Variants in ARHGAP10 observed in about 807,000 individuals in gnomAD.
The protein encoded by ARHGAP10 is Rho GTPase activating protein 10.
In ARHGAP10, 87 loss-of-function variants were observed where a neutral mutation model predicts 108.6. The observed-to-expected ratio is 0.80, with a 90% CI of 0.67 to 0.96. The LOEUF (loss-of-function observed/expected upper bound fraction) is 0.96. Among genes scored for constraint, ARHGAP10 ranks in the 40% least tolerant of loss-of-function variants. ARHGAP10 has a pLI of 0.00. For missense variants in ARHGAP10, 939 were observed against 954.5 expected, an observed-to-expected ratio of 0.98 and a Z score of 0.21; for synonymous variants, 347 against 341.1, an observed-to-expected ratio of 1.02 and a Z score of -0.19.
intron 20 of ARHGAP10, among the ~76,000 whole-genome samples, chr4:148,053,138 C>T (rs151030543): frequency 1.9e-4 from 29 of 152,132 alleles, no homozygotes; most frequent in Non-Finnish European, 2.9e-4. Flanking sequence ...GATTGGAAGG[C>T]GCAAAGGACA....
At position 147,924,059 on chromosome 4, in the gene ARHGAP10, T is replaced by TG. The variant is rs1305565586; in HGVS notation, c.1228+10921dup. Among the ~76,000 whole-genome samples the TG allele has an allele frequency of 2.6e-5, 4 of 152,320 alleles. No individual in the cohort carries two copies. In the East Asian group the frequency reaches 7.7e-4, roughly 29 times the overall value. ...AGGACAGTCTTCTGTGGGAGGGAGT[T>TG]GAAGAGTCTTGTGGTGTCTGCAGAA... On this transcript the variant is annotated intron_variant, in intron 13 of 22. Coordinates refer to ENST00000336498, the MANE Select transcript of ARHGAP10 (RefSeq NM_024605.4).
intron 13 of ARHGAP10, 61 bp from the exon 14 acceptor site, chr4:147,939,764 T>C: frequency 7.0e-7 from 1 of 1,428,108 alleles, no homozygotes; most frequent in East Asian, 2.3e-5. Flanking sequence ...AATGCAACTG[T>C]TTGATGGCTT....
intron 1 of ARHGAP10, among the ~76,000 whole-genome samples, chr4:147,769,259 C>A (rs1291454433): frequency 6.6e-6 from 1 of 151,954 alleles, no homozygotes; most frequent in African/African-American, 2.4e-5. Context: ...CCATCATGAT[C>A]CTAATTACCA....
At chr4:147,762,080 T>C (rs143027125) in intron 1 of ARHGAP10, among the ~76,000 whole-genome samples, 3 of 152,312 alleles carry the variant, frequency 2.0e-5, no homozygotes, top group African/African-American at 7.2e-5. Flanking sequence ...CAATCTCAGC[T>C]CATCGCAACC....
At chr4:147,775,176 G>A (rs1185266216) in intron 1 of ARHGAP10, among the ~76,000 whole-genome samples, 2 of 152,186 alleles carry the variant, frequency 1.3e-5, no homozygotes, top group East Asian at 1.9e-4. Flanking sequence ...GCCCCCCAAA[G>A]TGCTGGGATT....
intron 1 of ARHGAP10, among the ~76,000 whole-genome samples, chr4:147,746,136 A>G (rs1728907204): frequency 6.8e-6 from 1 of 147,124 alleles, no homozygotes; most frequent in Non-Finnish European, 1.5e-5. Flanking sequence ...ACAGAGTCTC[A>G]CTCTGTCGCC....
intron 13 of ARHGAP10, among the ~76,000 whole-genome samples, chr4:147,923,979 CTCTCTG>C (rs1737349114): frequency 6.6e-6 from 1 of 152,196 alleles, no homozygotes; most frequent in South Asian, 2.1e-4. Context: ...ACTAGAGTTT[CTCTCTG>C]TCTCTGTTTT....
intron 3 of ARHGAP10, among the ~76,000 whole-genome samples, chr4:147,823,584 C>T (rs1410277852): frequency 2.0e-5 from 3 of 151,840 alleles, no homozygotes; most frequent in South Asian, 2.1e-4. Flanking sequence ...ATGGTGAAAC[C>T]GCATCTCTAC....
At chr4:147,939,971 C>T (rs1455362692) in intron 14 of ARHGAP10, 72 bp downstream of exon 14, 2 of 1,342,248 alleles carry the variant, frequency 1.5e-6, no homozygotes, top group Non-Finnish European at 2.1e-6. Context: ...CTTAATATTT[C>T]ATAATAATGT....
intron 20 of ARHGAP10, among the ~76,000 whole-genome samples, chr4:148,048,817 A>G (rs149090789): frequency 4.4e-4 from 67 of 152,270 alleles, no homozygotes; most frequent in Middle Eastern, 3.4e-3. Flanking sequence ...AGGGCTTGAT[A>G]TTTTTGGTCA....
chr4:147,764,803 G>A (rs1369577325), intron 1 of ARHGAP10, among the ~76,000 whole-genome samples: 8 of 152,324 alleles, frequency 5.3e-5, no homozygotes, highest in African/African-American at 1.9e-4. Context: ...CCAAAGCGCT[G>A]GGATTAGAGG....
intron 20 of ARHGAP10, among the ~76,000 whole-genome samples, chr4:148,059,125 C>G (rs759004940): frequency 1.3e-5 from 2 of 152,188 alleles, no homozygotes; most frequent in African/African-American, 4.8e-5. Flanking sequence ...GAAAGAAGGA[C>G]GGTGATGTTG....
chr4:147,952,232 A>G (rs1269157543), intron 15 of ARHGAP10, among the ~76,000 whole-genome samples: 1 of 152,156 alleles, frequency 6.6e-6, no homozygotes, highest in African/African-American at 2.4e-5. Context: ...TTGTATACCT[A>G]TATTTGAGTG....
At position 148,059,750 on chromosome 4, in the gene ARHGAP10, C is replaced by T. The variant is rs982637151; in HGVS notation, c.2028-3398C>T. 1.3e-4 allele frequency among the ~76,000 whole-genome samples: 20 copies of T among 152,228 alleles called. 1 individual carries two copies. The highest frequency in any genetic ancestry group is 7.7e-4 in the East Asian group (4 of 5,174). On this transcript the variant is annotated intron_variant, in intron 20 of 22. Coordinates refer to ENST00000336498, the MANE Select transcript of ARHGAP10 (RefSeq NM_024605.4). ...CTTGCGAGCTACCAAATTAGCCTAC[C>T]ATCGTTTCCGGGATGCTGGCAGAAG...
chr4:147,930,997 C>G (rs962955207), intron 13 of ARHGAP10, among the ~76,000 whole-genome samples: 1 of 152,160 alleles, frequency 6.6e-6, no homozygotes, highest in Non-Finnish European at 1.5e-5. Context: ...TTTTCTGGAG[C>G]TGTGTGGTCT....
rs1732642605 is a variant in ARHGAP10, at chr4:147,824,884, TGC to T, written c.312+1928_312+1929del. The stretch of plus-strand genomic sequence containing the variant: ...GAGCTGTTCTAAGCTGTTTACCTAA[TGC>T]TAAGTCACTGAATTCTCACATCAAC... On this transcript the variant is annotated intron_variant, in intron 3 of 22. Coordinates refer to ENST00000336498, the MANE Select transcript of ARHGAP10 (RefSeq NM_024605.4). 6.6e-5 allele frequency among the ~76,000 whole-genome samples: 10 copies of T among 152,308 alleles called. No homozygotes were observed. The South Asian group carries it at 2.1e-3, about 32-fold the overall frequency.
chr4:147,868,370 G>A (rs1734654813), intron 7 of ARHGAP10, among the ~76,000 whole-genome samples: 1 of 151,946 alleles, frequency 6.6e-6, no homozygotes. Flanking sequence ...CTGAGTAGCT[G>A]GGACTGCAGG....
At chr4:147,838,993 C>T (rs1191703710) in intron 3 of ARHGAP10, among the ~76,000 whole-genome samples, 2 of 152,172 alleles carry the variant, frequency 1.3e-5, no homozygotes, top group Non-Finnish European at 2.9e-5. Flanking sequence ...GGAAAGTCCA[C>T]TCCTTTAGAA....
intron 18 of ARHGAP10, among the ~76,000 whole-genome samples, chr4:147,978,265 C>T (rs1261393777): frequency 6.6e-6 from 1 of 152,154 alleles, no homozygotes; most frequent in Non-Finnish European, 1.5e-5. Context: ...TCCACAGGGG[C>T]TGAGCTAATT....
Sources: allele counts gnomAD v4.1 joint callset (sites outside exome capture counted in the v4.1 genomes callset), GRCh38; gene constraint gnomAD v4.1.1; transcripts MANE v1.5; gene names NCBI Gene and HGNC (gene_info 2026-07-23, HGNC 2026-07-21).